Variants in MTOR observed in about 807,000 individuals in gnomAD.
MTOR encodes the protein mechanistic target of rapamycin kinase.
A neutral mutation model predicts 319.8 loss-of-function variants in MTOR; 70 were observed. That is an observed-to-expected ratio of 0.22 (90% CI 0.18 to 0.27). MTOR has a LOEUF of 0.27. Among genes scored for constraint, MTOR ranks in the 10% least tolerant of loss-of-function variants. The probability of loss-of-function intolerance (pLI) is 1.00; values close to 1 mark genes in which losing one functional copy is unlikely to be tolerated. For synonymous variants in MTOR, 1,183 were observed against 1,211.4 expected (o/e 0.98, Z 0.49); for missense variants, 1,890 against 3,274.4 (o/e 0.58, Z 10.32).
rs373737337 is a variant in MTOR, at chr1:11,236,011, C to T, written c.2209-1746G>A. Among the ~76,000 whole-genome samples the T allele has an allele frequency of 5.3e-5, 8 of 151,968 alleles. No individual in the cohort carries two copies. In the East Asian group the frequency reaches 5.8e-4, roughly 11 times the overall value. On this transcript the variant is annotated intron_variant, in intron 13 of 57. Transcript: ENST00000361445. ...AAAAAAAGAAAGAAGATTGCAGCCACGCCTGGCTTGTTGACTGCTATATTC... is the reference window on the plus strand; with the variant it reads ...AAAAAAAGAAAGAAGATTGCAGCCATGCCTGGCTTGTTGACTGCTATATTC...
At chr1:11,248,756 G>C (rs1649186968) in intron 6 of MTOR, among the ~76,000 whole-genome samples, 2 of 152,112 alleles carry the variant, frequency 1.3e-5, no homozygotes, top group South Asian at 4.1e-4. Context: ...AGGTTGCAGT[G>C]AGCCAAGATT....
intron 20 of MTOR, 77 bp from the exon 21 acceptor site, chr1:11,213,643 C>T: frequency 1.4e-6 from 2 of 1,435,808 alleles, no homozygotes; most frequent in Non-Finnish European, 1.9e-6. Flanking sequence ...TCAAGATGGC[C>T]AGAAAAGCAA....
chr1:11,218,114 T>TAGTG (rs1271091441), intron 19 of MTOR, among the ~76,000 whole-genome samples: 2 of 152,166 alleles, frequency 1.3e-5, no homozygotes, highest in East Asian at 3.9e-4. Context: ...CCCATACAAA[T>TAGTG]ATGTATAGTG....
intron 28 of MTOR, among the ~76,000 whole-genome samples, chr1:11,184,409 T>G (rs1179813012): frequency 6.6e-6 from 1 of 152,198 alleles, no homozygotes; most frequent in Non-Finnish European, 1.5e-5. Flanking sequence ...TAAGAAATTC[T>G]CACGTTCTAA....
At chr1:11,180,293 CAT>C (rs1557810852) in intron 28 of MTOR, among the ~76,000 whole-genome samples, 1 of 152,160 alleles carries the variant, frequency 6.6e-6, no homozygotes, top group Non-Finnish European at 1.5e-5. Context: ...AAAAGGACCG[CAT>C]ATCTTTTCTG....
chr1:11,231,384 T>C lies in MTOR; in HGVS notation c.2565A>G (p.Val855=), dbSNP rs768271701. The part of the protein sequence containing the change: ...GQLVASTGYV[V]EPYRKYPTLL... ...AAGTAGGGTACTTCCTGTAGGGCTC[T>C]ACTACATAGCCAGTGCTGGCCACCA... Residue 855 remains valine, a synonymous_variant, in exon 17 of 58, where the codon GTA becomes GTG. Transcript: ENST00000361445. 3.7e-6 allele frequency: 6 copies of C among 1,614,180 alleles called. No individual in the cohort carries two copies. The highest frequency in any genetic ancestry group is 5.1e-6 in the Non-Finnish European group (6 of 1,180,018).
At chr1:11,259,095 T>C (rs1650787739) in intron 2 of MTOR, among the ~76,000 whole-genome samples, 153 bp downstream of exon 2, 1 of 152,216 alleles carries the variant, frequency 6.6e-6, no homozygotes, top group Middle Eastern at 3.2e-3. Context: ...CAAAAGAACC[T>C]GCATGTTTTA....
chr1:11,224,618 A>T (rs1028285099), intron 19 of MTOR, among the ~76,000 whole-genome samples: 1 of 152,234 alleles, frequency 6.6e-6, no homozygotes, highest in Non-Finnish European at 1.5e-5. Context: ...CAAATACACA[A>T]GTATTCCCAA....
chr1:11,139,970 G>T (rs780702384), intron 34 of MTOR, among the ~76,000 whole-genome samples: 1 of 152,092 alleles, frequency 6.6e-6, no homozygotes, highest in Non-Finnish European at 1.5e-5. Context: ...GATTACAGGC[G>T]TGAGCCAGCA....
chr1:11,155,295 G>C (rs940222969), intron 30 of MTOR, among the ~76,000 whole-genome samples: 2 of 152,112 alleles, frequency 1.3e-5, no homozygotes, highest in African/African-American at 4.8e-5. Flanking sequence ...AAACAGCAGA[G>C]TGCAAAATGG....
Position 11,212,205 on chromosome 1 carries a change from G to A in MTOR, c.3561+107C>T, listed in dbSNP as rs1569575608. 1.2e-5 allele frequency: 16 copies of A among 1,372,456 alleles called. No individual in the cohort carries two copies. Among genetic ancestry groups the A allele is most frequent in the East Asian group, 7.0e-5 (3 of 42,836 alleles). The allele number at this position is 1,372,456 out of a possible 1,614,324, so 85.0% of individuals were successfully genotyped here. A position where few individuals can be genotyped will look rare whatever the true frequency, so the allele number is the denominator to read the frequency against. ...AAAGAAAAAAAGCAAGTAATTCCAC[G>A]TTCTCTGATGGTGGCTGGCATCAGA... is the stretch of plus-strand genomic sequence containing the variant. On this transcript the variant is annotated intron_variant, in intron 23 of 57. Transcript: ENST00000361445. This position sits in a 1 kb window ranked among gnomAD's most constrained non-coding sequence, Gnocchi z 4.1.
chr1:11,189,014 T>C lies in MTOR; in HGVS notation c.4253+10244A>G, dbSNP rs1211904178. 2.0e-5 allele frequency among the ~76,000 whole-genome samples: 3 copies of C among 152,232 alleles called. No homozygotes were observed. The East Asian group carries it at 5.8e-4, about 29-fold the overall frequency. ...CGCCTACCTTACGCTCACCCCATGG[T>C]TATATAACCTTTTGAACGGAATTTG... is the stretch of plus-strand genomic sequence containing the variant. On this transcript the variant is annotated intron_variant, in intron 28 of 57. Transcript: ENST00000361445.
At chr1:11,189,982 C>A in intron 28 of MTOR, 1 of 1,575,492 alleles carries the variant, frequency 6.3e-7, no homozygotes, top group African/African-American at 1.3e-5. Context: ...CCTGAGGGAG[C>A]GTGGAGTGCC....
At chr1:11,158,789 G>C (rs1007288522) in intron 29 of MTOR, among the ~76,000 whole-genome samples, 2 of 151,968 alleles carry the variant, frequency 1.3e-5, no homozygotes, top group African/African-American at 4.8e-5. Flanking sequence ...GAGGGGAGAG[G>C]GGGCAGCATA....
At chr1:11,152,345 A>T (rs1447624507) in intron 30 of MTOR, 2 of 152,232 alleles carry the variant, frequency 1.3e-5, no homozygotes, top group African/African-American at 4.8e-5. Flanking sequence ...CAAAAAACGC[A>T]GAAAGTGCTT....
chr1:11,199,345 T>G lies in MTOR; in HGVS notation c.4166A>C (p.Lys1389Thr). Residue 1389 changes from lysine (K) to threonine (T), a missense_variant, in exon 28 of 58, where the codon AAG becomes ACG. By Grantham distance (78) the Lys-to-Thr change is moderately conservative. Coordinates refer to ENST00000361445, the MANE Select transcript of MTOR (RefSeq NM_004958.4). The surrounding 1 kb of genome is among the most constrained non-coding windows in gnomAD (Gnocchi z 4.5). The part of the protein sequence containing the change: ...GIVLLGERAA[K>T]CRAYAKALHY... ...TAGTGCTTTGGCATATGCTCGGCAC[T>G]TGGCAGCTCTCTCACCCAGCAGAAC... is the stretch of plus-strand genomic sequence containing the variant. 6.2e-7 allele frequency: 1 copy of G among 1,614,192 alleles called. No homozygotes were observed. Among genetic ancestry groups the G allele is most frequent in the Non-Finnish European group, 8.5e-7 (1 of 1,180,026 alleles).
In MTOR at chr1:11,221,927, A is replaced by G. The variant is rs571606290; in HGVS notation, c.3031-5693T>C. ...TGACTGTGCAACCAACTTGGTTTAC[A>G]GTATAAATAAAGATAAATTATATAT... is the stretch of plus-strand genomic sequence containing the variant. On this transcript the variant is annotated intron_variant, in intron 19 of 57. Transcript: ENST00000361445. Among the ~76,000 whole-genome samples the G allele has an allele frequency of 3.3e-4, 49 of 150,602 alleles. No individual in the cohort carries two copies. In the South Asian group the frequency reaches 7.9e-3, roughly 24 times the overall value.
At chr1:11,230,825 A>G in intron 18 of MTOR, 100 bp downstream of exon 18, 2 of 1,527,594 alleles carry the variant, frequency 1.3e-6, no homozygotes, top group African/African-American at 1.4e-5. Flanking sequence ...CCAATATCCT[A>G]TAATTTCTCA....
At chr1:11,254,183 A>T (rs1386714364) in intron 5 of MTOR, among the ~76,000 whole-genome samples, 1 of 151,708 alleles carries the variant, frequency 6.6e-6, no homozygotes, top group East Asian at 1.9e-4. Flanking sequence ...TCTATTGCCC[A>T]GGCTGGAGTG....
Sources: allele counts gnomAD v4.1 joint callset (sites outside exome capture counted in the v4.1 genomes callset), GRCh38; gene constraint gnomAD v4.1.1; non-coding constraint Gnocchi (gnomAD v3.1); transcripts MANE v1.5; gene names NCBI Gene and HGNC (gene_info 2026-07-23, HGNC 2026-07-21).